The following ASTN1 variants were observed in gnomAD, a reference collection of about 807,000 sequenced individuals.
The protein encoded by ASTN1 is astrotactin 1, also known as astrotactin-1.
A neutral mutation model predicts 140.7 loss-of-function variants in ASTN1; 41 were observed. That is an observed-to-expected ratio of 0.29 (90% CI 0.23 to 0.38). ASTN1 has a LOEUF of 0.38. Among genes scored for constraint, ASTN1 ranks in the 10% least tolerant of loss-of-function variants. The pLI, the probability that ASTN1 is intolerant of heterozygous loss-of-function variation, is 1.00. For synonymous variants in ASTN1, 640 were observed against 652.2 expected (o/e 0.98, Z 0.29); for missense variants, 1,479 against 1,678.8 (o/e 0.88, Z 2.08).
intron 8 of ASTN1, among the ~76,000 whole-genome samples, chr1:176,968,625 G>T (rs374948155): frequency 6.6e-6 from 1 of 152,184 alleles, no homozygotes; most frequent in African/African-American, 2.4e-5. Context: ...GAATAAAGGG[G>T]AATTTACCTA....
Position 176,864,465 on chromosome 1 carries a change from A to T in ASTN1, c.3704T>A (p.Leu1235His). Residue 1235 changes from leucine (L) to histidine (H), a missense_variant, in exon 23 of 23, where the codon CTC becomes CAC. Transcript: ENST00000361833. ...LGDLSSWCNG[L>H]LQEPKISLRR... ...CAAGCTTATCTTGGGTTCCTGAAGG[A>T]GTCCATTGCACCAACTGCTGAGGTC... The T allele has an allele frequency of 6.2e-7, 1 of 1,614,162 alleles. No homozygotes were observed. The highest frequency in any genetic ancestry group is 1.1e-5 in the South Asian group (1 of 91,086).
intron 21 of ASTN1, 59 bp from the exon 22 acceptor site, chr1:176,869,086 T>C (rs764061645): frequency 2.4e-5 from 28 of 1,184,992 alleles, no homozygotes; most frequent in Admixed American, 5.9e-5. Flanking sequence ...TGTATATATA[T>C]ACACACATTA....
chr1:177,107,321 TAAAC>T (rs1279235544), intron 1 of ASTN1, among the ~76,000 whole-genome samples: 1 of 152,002 alleles, frequency 6.6e-6, no homozygotes, highest in African/African-American at 2.4e-5. Context: ...CTTGAGCAAA[TAAAC>T]AAGTAATATA....
intron 14 of ASTN1, among the ~76,000 whole-genome samples, chr1:176,938,964 A>T (rs760573918): frequency 2.2e-4 from 34 of 151,960 alleles, no homozygotes; most frequent in Non-Finnish European, 4.7e-4. Flanking sequence ...AAAAAAAACA[A>T]AAAACAAAAA....
At chr1:177,057,838 C>T (rs955042198) in intron 2 of ASTN1, among the ~76,000 whole-genome samples, 1 of 152,174 alleles carries the variant, frequency 6.6e-6, no homozygotes, top group African/African-American at 2.4e-5. Flanking sequence ...TTGCTATCTT[C>T]TGGCTTTTGT....
chr1:177,101,698 G>A (rs1680307956), intron 1 of ASTN1, among the ~76,000 whole-genome samples: 1 of 152,080 alleles, frequency 6.6e-6, no homozygotes, highest in South Asian at 2.1e-4. Context: ...GTATGTATAT[G>A]TCATTTAAAA....
At chr1:176,873,376 C>T (rs554521300) in intron 21 of ASTN1, among the ~76,000 whole-genome samples, 5 of 152,160 alleles carry the variant, frequency 3.3e-5, no homozygotes, top group South Asian at 4.1e-4. Context: ...AGCAAAACAT[C>T]GGTAGAAACT....
At chr1:177,104,493 C>T (rs1024166934) in intron 1 of ASTN1, among the ~76,000 whole-genome samples, 14 of 152,134 alleles carry the variant, frequency 9.2e-5, no homozygotes, top group African/African-American at 2.9e-4. Flanking sequence ...TGTGTTTGTG[C>T]TGTGACGCAG....
At chr1:177,008,415 AG>A (rs938694403) in intron 8 of ASTN1, among the ~76,000 whole-genome samples, 4 of 143,620 alleles carry the variant, frequency 2.8e-5, no homozygotes, top group South Asian at 2.5e-4. Flanking sequence ...GAGGAGAGGA[AG>A]GGGGGGTGGA....
chr1:177,124,802 T>C lies in ASTN1; in HGVS notation c.283+39592A>G, dbSNP rs190596941. On this transcript the variant is annotated intron_variant, in intron 1 of 22. Transcript: ENST00000361833. The stretch of plus-strand genomic sequence containing the variant: ...CACTAAAAGGGGCAATAACTTTTAT[T>C]ACTCTCAGTGAAAATTAAGGACTGC... Among the ~76,000 whole-genome samples the C allele has an allele frequency of 3.2e-4, 49 of 152,324 alleles. 1 individual carries two copies. In the East Asian group the frequency reaches 7.7e-3, roughly 24 times the overall value.
intron 11 of ASTN1, among the ~76,000 whole-genome samples, chr1:176,955,975 A>G (rs1480463911): frequency 6.6e-6 from 1 of 152,266 alleles, no homozygotes; most frequent in Non-Finnish European, 1.5e-5. Context: ...TAAGCTGAAT[A>G]GCTTTTTTTA....
chr1:177,159,893 TAA>T (rs1178688805), intron 1 of ASTN1, among the ~76,000 whole-genome samples: 2 of 152,216 alleles, frequency 1.3e-5, no homozygotes, highest in East Asian at 3.9e-4. Flanking sequence ...CTGAAAACTA[TAA>T]ATAAGTGAGA....
chr1:176,988,361 G>A (rs567164837), intron 8 of ASTN1, among the ~76,000 whole-genome samples: 2 of 149,090 alleles, frequency 1.3e-5, no homozygotes, highest in East Asian at 3.9e-4. Context: ...CCAAATGTTT[G>A]AACTTTGTCC....
intron 1 of ASTN1, among the ~76,000 whole-genome samples, chr1:177,143,723 A>G (rs1304321868): frequency 6.6e-6 from 1 of 152,192 alleles, no homozygotes; most frequent in Non-Finnish European, 1.5e-5. Flanking sequence ...AACGAATGAA[A>G]TCATAGGTTT....
chr1:176,987,708 T>C (rs1673970295), intron 8 of ASTN1, among the ~76,000 whole-genome samples: 5 of 152,224 alleles, frequency 3.3e-5, no homozygotes, highest in Admixed American at 3.3e-4. Flanking sequence ...ATTCCCAGGC[T>C]CTTTCTTTCT....
At chr1:177,151,779 C>T (rs1295944480) in intron 1 of ASTN1, among the ~76,000 whole-genome samples, 6 of 152,116 alleles carry the variant, frequency 3.9e-5, no homozygotes, top group Non-Finnish European at 7.4e-5. Context: ...TTCAAGAAAT[C>T]GCCCTTATGC....
intron 16 of ASTN1, among the ~76,000 whole-genome samples, chr1:176,895,766 C>T (rs1319805453): frequency 6.6e-6 from 1 of 152,176 alleles, no homozygotes; most frequent in Non-Finnish European, 1.5e-5. Flanking sequence ...TCTTCCCAGT[C>T]CTCATGATTC....
intron 8 of ASTN1, among the ~76,000 whole-genome samples, chr1:176,970,170 A>G (rs1169220520): frequency 6.6e-6 from 1 of 152,206 alleles, no homozygotes; most frequent in African/African-American, 2.4e-5. Flanking sequence ...CCTTTAGGAC[A>G]TATCCACTTT....
At chr1:176,888,579 T>C (rs1202409287) in intron 17 of ASTN1, among the ~76,000 whole-genome samples, 1 of 152,238 alleles carries the variant, frequency 6.6e-6, no homozygotes, top group African/African-American at 2.4e-5. Flanking sequence ...CTCTTCCCTC[T>C]GCCCAGAGGC....
Sources: gnomAD v4.1 joint callset for allele counts (sites outside exome capture counted in the v4.1 genomes callset) on GRCh38, gnomAD v4.1.1 for gene constraint, MANE v1.5 for transcripts, NCBI Gene and HGNC (gene_info 2026-07-23, HGNC 2026-07-21) for gene names.